RANBP17: variants seen among roughly 807,000 people sequenced by gnomAD.
The protein encoded by RANBP17 is ran-binding protein 17.
A neutral mutation model predicts 141.2 loss-of-function variants in RANBP17; 158 were observed. The ratio of observed to expected loss-of-function variants is 1.12; its 90% CI spans 0.98 to 1.28. The LOEUF (loss-of-function observed/expected upper bound fraction) is 1.28, where lower values mean the gene tolerates loss of function less well. Ranked by LOEUF, RANBP17 falls within the 50% of genes most tolerant of loss-of-function variation. The pLI is 0.00. For missense variants in RANBP17, 1,438 were observed against 1,290.7 expected, an observed-to-expected ratio of 1.11 and a Z score of -1.75; for synonymous variants, 430 against 450.0, an observed-to-expected ratio of 0.96 and a Z score of 0.56.
chr5:170,979,349 A>G (rs1265078101), intron 14 of RANBP17, among the ~76,000 whole-genome samples: 2 of 152,226 alleles, frequency 1.3e-5, no homozygotes. Context: ...TAAGAACTCT[A>G]GTTAAATATA....
At chr5:171,044,112 A>G (rs987304271) in intron 14 of RANBP17, among the ~76,000 whole-genome samples, 2 of 152,274 alleles carry the variant, frequency 1.3e-5, no homozygotes, top group African/African-American at 2.4e-5. Flanking sequence ...CACTATTATG[A>G]TCTTAAATAT....
At chr5:171,073,559 A>G (rs1784745946) in intron 14 of RANBP17, among the ~76,000 whole-genome samples, 1 of 152,156 alleles carries the variant, frequency 6.6e-6, no homozygotes. Flanking sequence ...GCAGAGATTC[A>G]TGTTTATTTT....
intron 13 of RANBP17, among the ~76,000 whole-genome samples, chr5:170,965,157 AG>A (rs1262647885): frequency 1.3e-5 from 2 of 151,996 alleles, no homozygotes; most frequent in Non-Finnish European, 2.9e-5. Flanking sequence ...AGTGATGGTG[AG>A]CATTTTTTCA....
intron 14 of RANBP17, among the ~76,000 whole-genome samples, chr5:171,075,266 A>G (rs574571779): frequency 6.6e-6 from 1 of 152,332 alleles, no homozygotes; most frequent in Non-Finnish European, 1.5e-5. Flanking sequence ...CAGAGAAATT[A>G]TTTTAGATGA....
chr5:171,296,174 G>T (rs1160319683), intron 27 of RANBP17, among the ~76,000 whole-genome samples, 160 bp downstream of exon 27: 1 of 152,082 alleles, frequency 6.6e-6, no homozygotes, highest in East Asian at 1.9e-4. Flanking sequence ...AATATTGTTG[G>T]TTATTTGCTT....
chr5:171,233,773 T>C (rs972971671), intron 22 of RANBP17, among the ~76,000 whole-genome samples: 3 of 152,210 alleles, frequency 2.0e-5, no homozygotes, highest in African/African-American at 7.2e-5. Flanking sequence ...GCAGAGGATT[T>C]GGAGGCATTG....
intron 22 of RANBP17, among the ~76,000 whole-genome samples, chr5:171,226,974 T>C (rs1763918354): frequency 6.6e-6 from 1 of 152,204 alleles, no homozygotes. Context: ...GTCATATTAA[T>C]AAATGTGTAT....
chr5:170,984,217 A>C (rs1215667675), intron 14 of RANBP17, among the ~76,000 whole-genome samples: 1 of 152,184 alleles, frequency 6.6e-6, no homozygotes, highest in Non-Finnish European at 1.5e-5. Context: ...CAGACTGACC[A>C]GTTTGTCATC....
intron 18 of RANBP17, among the ~76,000 whole-genome samples, chr5:171,191,619 G>A (rs938139298): frequency 5.3e-5 from 8 of 151,912 alleles, no homozygotes; most frequent in East Asian, 1.9e-4. Flanking sequence ...CCCCGGAGGC[G>A]GAGCTTGCAG....
chr5:170,939,359 T>TTTTG (rs1554138354), intron 12 of RANBP17, among the ~76,000 whole-genome samples: 1 of 147,552 alleles, frequency 6.8e-6, no homozygotes, highest in African/African-American at 2.5e-5. Flanking sequence ...AAAAATTTTA[T>TTTTG]TTTATTTATT....
intron 14 of RANBP17, among the ~76,000 whole-genome samples, chr5:170,977,204 C>T (rs1272545599): frequency 6.6e-6 from 1 of 151,720 alleles, no homozygotes; most frequent in African/African-American, 2.4e-5. Flanking sequence ...GACATTTCTC[C>T]AAAGAAAATC....
At chr5:170,869,320 A>C (rs889532748) in intron 1 of RANBP17, among the ~76,000 whole-genome samples, 1 of 134,466 alleles carries the variant, frequency 7.4e-6, no homozygotes, top group African/African-American at 2.6e-5. Context: ...AGGGCTCACA[A>C]CACTTTTTTT....
intron 22 of RANBP17, among the ~76,000 whole-genome samples, chr5:171,232,538 G>C (rs965336307): frequency 4.0e-5 from 6 of 151,294 alleles, no homozygotes; most frequent in Non-Finnish European, 7.4e-5. Flanking sequence ...ACCCATGGGG[G>C]GGAAAAATCC....
chr5:170,909,589 T>TC, intron 5 of RANBP17, 72 bp from the exon 6 acceptor site: 1 of 460,732 alleles, frequency 2.2e-6, no homozygotes. Context: ...TTTTTTTTTT[T>TC]TTTTTTTTTA....
chr5:170,921,484 A>G (rs972149454), intron 11 of RANBP17, among the ~76,000 whole-genome samples: 11 of 152,122 alleles, frequency 7.2e-5, no homozygotes, highest in Admixed American at 1.3e-4. Flanking sequence ...TGTTTTGGTT[A>G]CTGTAGCCTT....
Position 171,040,381 on chromosome 5 carries a change from G to A in RANBP17, c.1710+72004G>A, listed in dbSNP as rs139381650. Among the ~76,000 whole-genome samples the A allele has an allele frequency of 3.5e-4, 53 of 152,250 alleles. 1 individual carries two copies. The East Asian group carries it at 9.7e-3, about 28-fold the overall frequency. On this transcript the variant is annotated intron_variant, in intron 14 of 27. Transcript: ENST00000523189. ...TTCTTAAATAATTTTAGAGCTTTTA[G>A]TTGCAAAATGTCTTTGTTTTTACTG...
At chr5:171,154,272 T>A (rs1758700190) in intron 14 of RANBP17, among the ~76,000 whole-genome samples, 1 of 152,130 alleles carries the variant, frequency 6.6e-6, no homozygotes, top group Non-Finnish European at 1.5e-5. Context: ...TTATTTTATG[T>A]GCAAGTCAAG....
intron 14 of RANBP17, among the ~76,000 whole-genome samples, chr5:171,063,216 T>A (rs1023730416): frequency 6.6e-6 from 1 of 152,226 alleles, no homozygotes; most frequent in Admixed American, 6.5e-5. Context: ...ACTGCTTTCC[T>A]TTGGAGGAGG....
At chr5:171,193,249 A>G (rs1020260023) in intron 18 of RANBP17, among the ~76,000 whole-genome samples, 2 of 152,244 alleles carry the variant, frequency 1.3e-5, no homozygotes, top group African/African-American at 4.8e-5. Flanking sequence ...ATTGCATCCT[A>G]CAGAAATAAA....
Sources: gnomAD v4.1 joint callset for allele counts (sites outside exome capture counted in the v4.1 genomes callset) on GRCh38, gnomAD v4.1.1 for gene constraint, MANE v1.5 for transcripts, NCBI Gene and HGNC (gene_info 2026-07-23, HGNC 2026-07-21) for gene names.